Variants in RP1 observed in about 807,000 individuals in gnomAD.
The protein encoded by RP1 is RP1 axonemal microtubule associated, also known as oxygen-regulated protein 1.
RP1 carries 16 observed loss-of-function variants against 14.8 expected under a neutral mutation model. The ratio of observed to expected loss-of-function variants is 1.08; its 90% confidence interval spans 0.73 to 1.65. RP1 has a LOEUF of 1.65. Ranked by LOEUF, RP1 falls within the 40% of genes most tolerant of loss-of-function variation. The pLI, the probability that RP1 is intolerant of heterozygous loss-of-function variation, is 0.00. For synonymous variants in RP1, 876 were observed against 883.6 expected (o/e 0.99, Z 0.15); for missense variants, 2,631 against 2,535.0 (o/e 1.04, Z -0.81).
intron 22 of RP1, among the ~76,000 whole-genome samples, chr8:54,761,400 C>G (rs758770515): frequency 2.6e-5 from 4 of 151,968 alleles, no homozygotes; most frequent in Non-Finnish European, 5.9e-5. Context: ...CCATGCCTGG[C>G]TAATTTTTGT....
At chr8:54,841,766 T>G (rs1196602851) in intron 25 of RP1, among the ~76,000 whole-genome samples, 1 of 152,196 alleles carries the variant, frequency 6.6e-6, no homozygotes. Flanking sequence ...TGCTTAGGGC[T>G]GATAAGAATG....
intron 19 of RP1, among the ~76,000 whole-genome samples, chr8:54,750,810 A>C (rs1466830991): frequency 6.6e-6 from 1 of 152,228 alleles, no homozygotes; most frequent in Non-Finnish European, 1.5e-5. Flanking sequence ...AAAACGCACC[A>C]ATCAGTGGTC....
intron 27 of RP1, among the ~76,000 whole-genome samples, chr8:54,861,017 C>T (rs1403998866): frequency 1.3e-5 from 2 of 152,148 alleles, no homozygotes; most frequent in Non-Finnish European, 2.9e-5. Flanking sequence ...CCAGTTAAAG[C>T]AAGTGAAAAG....
chr8:54,574,157 G>A (rs1351535097), intron 1 of RP1, among the ~76,000 whole-genome samples: 3 of 152,210 alleles, frequency 2.0e-5, no homozygotes, highest in Admixed American at 1.3e-4. Context: ...GTGACAGTCT[G>A]AGGCACTACA....
chr8:54,832,133 T>C (rs2129401429), intron 24 of RP1, among the ~76,000 whole-genome samples: 1 of 151,972 alleles, frequency 6.6e-6, no homozygotes. Context: ...ATTTTCTTTA[T>C]ATATATTTTG....
chr8:54,659,826 A>G (rs1386116162), intron 6 of RP1, among the ~76,000 whole-genome samples: 2 of 152,172 alleles, frequency 1.3e-5, no homozygotes, highest in African/African-American at 4.8e-5. Context: ...AGACATTTTA[A>G]CAATATTAAG....
At chr8:54,729,044 T>C (rs1808728498) in intron 17 of RP1, among the ~76,000 whole-genome samples, 1 of 152,220 alleles carries the variant, frequency 6.6e-6, no homozygotes, top group Non-Finnish European at 1.5e-5. Flanking sequence ...TAAGTGAGAA[T>C]ATACATTACT....
chr8:54,615,513 A>G (rs1280227075), upstream of RP1, among the ~76,000 whole-genome samples: 1 of 152,200 alleles, frequency 6.6e-6, no homozygotes, highest in Non-Finnish European at 1.5e-5. Flanking sequence ...TTCAAACCCC[A>G]GTATGAGTAA....
chr8:54,739,987 A>G (rs1429570015), intron 19 of RP1, among the ~76,000 whole-genome samples: 5 of 151,796 alleles, frequency 3.3e-5, no homozygotes, highest in Admixed American at 3.3e-4. Flanking sequence ...TCAATTATGT[A>G]CAGTACGTAA....
intron 7 of RP1, among the ~76,000 whole-genome samples, chr8:54,670,388 C>T (rs1791317012): frequency 1.3e-5 from 2 of 150,438 alleles, no homozygotes; most frequent in Admixed American, 1.3e-4. Context: ...CTATTTCTCC[C>T]TTCAATTTTG....
chr8:54,783,758 T>G, intron 24 of RP1: 1 of 1,133,102 alleles, frequency 8.8e-7, no homozygotes, highest in African/African-American at 1.6e-5. Context: ...TATTGTGATA[T>G]ACATCCCCGA....
At chr8:54,579,114 C>T (rs967002894) in intron 1 of RP1, among the ~76,000 whole-genome samples, 1 of 152,144 alleles carries the variant, frequency 6.6e-6, no homozygotes, top group Non-Finnish European at 1.5e-5. Context: ...TCAAAAGCTG[C>T]GCTGGTGTGT....
chr8:54,862,090 C>T (rs1304741784), intron 27 of RP1, among the ~76,000 whole-genome samples: 1 of 152,084 alleles, frequency 6.6e-6, no homozygotes, highest in East Asian at 1.9e-4. Flanking sequence ...TTTACCACCA[C>T]AAGAGAGTCA....
chr8:54,631,200 A>G (rs1384352547), downstream of RP1, among the ~76,000 whole-genome samples: 1 of 152,208 alleles, frequency 6.6e-6, no homozygotes, highest in Non-Finnish European at 1.5e-5. Flanking sequence ...TGTTGGTGTC[A>G]GTTCAGCATG....
chr8:54,790,209 G>A (rs565075613), intron 24 of RP1, among the ~76,000 whole-genome samples: 29 of 152,256 alleles, frequency 1.9e-4, no homozygotes, highest in Admixed American at 7.8e-4. Context: ...AGACCACCTT[G>A]CAGCTCCACC....
intron 24 of RP1, among the ~76,000 whole-genome samples, chr8:54,798,160 C>T (rs868165565): frequency 6.6e-6 from 1 of 152,012 alleles, no homozygotes; most frequent in Non-Finnish European, 1.5e-5. Context: ...ACTACAGGCA[C>T]GTGCCACCAC....
At chr8:54,697,922 T>G (rs1350873023) in intron 12 of RP1, among the ~76,000 whole-genome samples, 1 of 152,102 alleles carries the variant, frequency 6.6e-6, no homozygotes, top group Non-Finnish European at 1.5e-5. Context: ...ACGTAACACC[T>G]AAAACCATAA....
At chr8:54,853,910 GA>G (rs1414083090) in intron 26 of RP1, among the ~76,000 whole-genome samples, 1 of 102,898 alleles carries the variant, frequency 9.7e-6, no homozygotes, top group Admixed American at 1.1e-4. Context: ...GAAAGAAAGA[GA>G]AAAAAGAAAA....
At chr8:54,850,463 A>G (rs1400075207) in intron 25 of RP1, among the ~76,000 whole-genome samples, 2 of 152,154 alleles carry the variant, frequency 1.3e-5, no homozygotes, top group Non-Finnish European at 2.9e-5. Flanking sequence ...TCAGCCTTGT[A>G]CTTTTTTACA....
Sources: gnomAD v4.1 joint callset for allele counts (sites outside exome capture counted in the v4.1 genomes callset) on GRCh38, gnomAD v4.1.1 for gene constraint, MANE v1.5 for transcripts, NCBI Gene and HGNC (gene_info 2026-07-23, HGNC 2026-07-21) for gene names.